The following PROCR variants were observed in gnomAD, a reference collection of about 807,000 sequenced individuals.
PROCR encodes the protein endothelial protein C receptor.
In PROCR, 22 loss-of-function variants were observed where a neutral mutation model predicts 24.2. The ratio of observed to expected loss-of-function variants is 0.91; its 90% CI spans 0.65 to 1.30. The LOEUF (loss-of-function observed/expected upper bound fraction) is 1.30, where lower values mean the gene tolerates loss of function less well. Ranked by LOEUF, PROCR falls within the 50% of genes most tolerant of loss-of-function variation. The probability of loss-of-function intolerance (pLI) is 0.00; values close to 1 mark genes in which losing one functional copy is unlikely to be tolerated. For missense variants in PROCR, 288 were observed against 307.7 expected (o/e 0.94, Z 0.48); for synonymous variants, 137 against 139.2 (o/e 0.98, Z 0.11).
At chr20:35,178,229 C>T (rs2086040694), downstream of PROCR, among the ~76,000 whole-genome samples, 1 of 151,340 alleles carries the variant, frequency 6.6e-6, no homozygotes, top group Non-Finnish European at 1.5e-5. Flanking sequence ...CACAGTGAAA[C>T]CCTATCTCTA....
chr20:35,178,922 A>T (rs1036969402), downstream of PROCR, among the ~76,000 whole-genome samples: 14 of 151,616 alleles, frequency 9.2e-5, no homozygotes, highest in Admixed American at 9.2e-4. Context: ...AAATAAAAGT[A>T]TATATGTAAA....
intron 1 of PROCR, among the ~76,000 whole-genome samples, chr20:35,197,537 G>C (rs2060302369): frequency 6.6e-6 from 1 of 152,032 alleles, no homozygotes; most frequent in Non-Finnish European, 1.5e-5. Context: ...GAAAAGAAGA[G>C]TCACGTCTGT....
intron 1 of PROCR, among the ~76,000 whole-genome samples, chr20:35,188,784 A>T (rs949944555): frequency 3.9e-5 from 6 of 152,148 alleles, no homozygotes; most frequent in Non-Finnish European, 8.8e-5. Flanking sequence ...TTAACTATTT[A>T]CTCCTCTAGG....
At chr20:35,198,955 C>T (rs1211318239) in intron 1 of PROCR, among the ~76,000 whole-genome samples, 2 of 152,156 alleles carry the variant, frequency 1.3e-5, no homozygotes, top group Non-Finnish European at 2.9e-5. Flanking sequence ...ACCTCATGAT[C>T]TGCCCGCCTC....
At chr20:35,209,958 G>A (rs1466070888) in intron 1 of PROCR, among the ~76,000 whole-genome samples, 4 of 152,280 alleles carry the variant, frequency 2.6e-5, no homozygotes, top group East Asian at 3.9e-4. Context: ...TGGGCACAGC[G>A]GCTCAAGCCT....
At chr20:35,181,684 A>G (rs1308367691), downstream of PROCR, among the ~76,000 whole-genome samples, 1 of 152,240 alleles carries the variant, frequency 6.6e-6, no homozygotes, top group Non-Finnish European at 1.5e-5. Flanking sequence ...ATAACAGAGA[A>G]GTTTACAAAG....
At chr20:35,179,936 T>C (rs1600737630), downstream of PROCR, among the ~76,000 whole-genome samples, 1 of 152,156 alleles carries the variant, frequency 6.6e-6, no homozygotes, top group African/African-American at 2.4e-5. Context: ...TACCATCCAG[T>C]TCTACCTCCA....
rs536538274 is a variant in PROCR at position 35,214,502 on chromosome 20, C to T, written c.95-1391C>T. On this transcript the variant is annotated intron_variant, in intron 1 of 1. Transcript: ENST00000634509. The stretch of plus-strand genomic sequence containing the variant: ...GAGATCGAGACCATCCTGGCTATCA[C>T]GGTGAAACCCTGCCTCTACTAAAAA... Among the ~76,000 whole-genome samples, 21 of 152,074 alleles carry T rather than the reference C, an allele frequency of 1.4e-4. No individual in the cohort carries two copies. In the East Asian group the frequency reaches 3.3e-3, roughly 24 times the overall value.
At chr20:35,176,484 G>A in intron 3 of PROCR, 38 bp downstream of exon 3, 1 of 1,610,174 alleles carries the variant, frequency 6.2e-7, no homozygotes, top group South Asian at 1.1e-5. Context: ...AAGCTGGGGA[G>A]AGGGCGGGTT....
chr20:35,182,223 G>A (rs1306127387), downstream of PROCR, among the ~76,000 whole-genome samples: 1 of 152,206 alleles, frequency 6.6e-6, no homozygotes, highest in African/African-American at 2.4e-5. Flanking sequence ...AACCAAAACA[G>A]GTACAGGTGA....
chr20:35,212,555 C>T (rs945911657), intron 1 of PROCR, among the ~76,000 whole-genome samples: 2 of 152,138 alleles, frequency 1.3e-5, no homozygotes, highest in African/African-American at 4.8e-5. Flanking sequence ...AATGAAGGGG[C>T]TAAATCAAGG....
At chr20:35,185,193 G>A (rs147309540) in intron 1 of PROCR, among the ~76,000 whole-genome samples, 23 of 152,114 alleles carry the variant, frequency 1.5e-4, no homozygotes, top group African/African-American at 4.8e-4. Flanking sequence ...CGATACCACC[G>A]TACTCCCATA....
At chr20:35,207,289 G>A (rs1801649343) in intron 1 of PROCR, among the ~76,000 whole-genome samples, 1 of 151,338 alleles carries the variant, frequency 6.6e-6, no homozygotes, top group African/African-American at 2.4e-5. Flanking sequence ...ATAATTCTTT[G>A]CATTTGTCAA....
At chr20:35,209,763 C>T (rs755967775) in intron 1 of PROCR, among the ~76,000 whole-genome samples, 1 of 152,072 alleles carries the variant, frequency 6.6e-6, no homozygotes, top group Non-Finnish European at 1.5e-5. Context: ...TCTTGGTCTA[C>T]GATGATTTTT....
intron 1 of PROCR, chr20:35,202,517 T>C (rs1336789222): frequency 1.3e-5 from 2 of 151,804 alleles, no homozygotes; most frequent in African/African-American, 4.8e-5. Flanking sequence ...CCCGACTATA[T>C]GCTATCAGCA....
At chr20:35,196,436 T>G (rs759225117) in intron 1 of PROCR, among the ~76,000 whole-genome samples, 1 of 151,898 alleles carries the variant, frequency 6.6e-6, no homozygotes, top group Non-Finnish European at 1.5e-5. Context: ...ATCAAACTTC[T>G]GAAAACCAAA....
chr20:35,208,305 G>T (rs903182914), intron 1 of PROCR, among the ~76,000 whole-genome samples: 2 of 152,182 alleles, frequency 1.3e-5, no homozygotes, highest in African/African-American at 4.8e-5. Flanking sequence ...ACTGCAATCT[G>T]TTCCACAGTC....
At chr20:35,193,439 G>C (rs2086190879) in intron 1 of PROCR, among the ~76,000 whole-genome samples, 1 of 152,198 alleles carries the variant, frequency 6.6e-6, no homozygotes, top group Non-Finnish European at 1.5e-5. Flanking sequence ...CTCCCAGAGT[G>C]CTGGGATTAC....
At chr20:35,206,683 GA>G (rs2060344234) in intron 1 of PROCR, among the ~76,000 whole-genome samples, 1 of 151,988 alleles carries the variant, frequency 6.6e-6, no homozygotes, top group African/African-American at 2.4e-5. Context: ...TATTGAAATT[GA>G]AAAAAATCCC....
Sources: allele counts gnomAD v4.1 joint callset (sites outside exome capture counted in the v4.1 genomes callset), GRCh38; gene constraint gnomAD v4.1.1; transcripts MANE v1.5; gene names NCBI Gene and HGNC (gene_info 2026-07-23, HGNC 2026-07-21).